LYRM4: variants seen among roughly 807,000 people sequenced by gnomAD.
LYRM4 encodes the protein LYR motif containing 4.
A neutral mutation model predicts 11.7 loss-of-function variants in LYRM4; 9 were observed. That is an observed-to-expected ratio of 0.77 (90% confidence interval 0.46 to 1.34). The LOEUF is 1.34. Among genes scored for constraint, LYRM4 ranks in the 40% most tolerant of loss-of-function variants. The probability of loss-of-function intolerance (pLI) is 0.00; values close to 1 mark genes in which losing one functional copy is unlikely to be tolerated. For synonymous variants in LYRM4, 42 were observed against 40.4 expected, an observed-to-expected ratio of 1.04 and a Z score of -0.15; for missense variants, 133 against 112.5, an observed-to-expected ratio of 1.18 and a Z score of -0.82.
At chr6:5,032,657 G>A in the LYRM4 span, 1 of 152,324 alleles carries the variant, frequency 6.6e-6, no homozygotes, top group South Asian at 2.1e-4. Flanking sequence ...AATGTCTGTA[G>A]TTTTATTATG....
At chr6:5,146,078 C>T (rs1757705597) in intron 2 of LYRM4, among the ~76,000 whole-genome samples, 1 of 152,202 alleles carries the variant, frequency 6.6e-6, no homozygotes, top group Non-Finnish European at 1.5e-5. Flanking sequence ...TATTCGAATG[C>T]CACCTCATGG....
chr6:5,124,997 A>G (rs1478413977), intron 2 of LYRM4, among the ~76,000 whole-genome samples: 2 of 152,136 alleles, frequency 1.3e-5, no homozygotes, highest in Non-Finnish European at 2.9e-5. Context: ...TGTCCCCAGC[A>G]CCTAGCAGTG....
At chr6:5,228,869 T>G (rs1348329730) in intron 1 of LYRM4, among the ~76,000 whole-genome samples, 25 of 150,540 alleles carry the variant, frequency 1.7e-4, no homozygotes, top group Non-Finnish European at 3.4e-4. Context: ...CCGGGCGTGG[T>G]GGCGGGCACC....
chr6:5,255,526 G>A (rs538271327), intron 1 of LYRM4, among the ~76,000 whole-genome samples: 70 of 151,774 alleles, frequency 4.6e-4, no homozygotes, highest in Non-Finnish European at 6.6e-4. Context: ...TGATAAATGC[G>A]TCCCACATAA....
the LYRM4 span, chr6:5,085,157 G>C: frequency 2.8e-6 from 1 of 358,838 alleles, no homozygotes; most frequent in Non-Finnish European, 5.0e-6. Flanking sequence ...TTCCACCGGA[G>C]CACTCGGGAA....
intron 1 of LYRM4, among the ~76,000 whole-genome samples, chr6:5,230,034 A>C (rs1190435288): frequency 6.6e-6 from 1 of 152,216 alleles, no homozygotes; most frequent in Non-Finnish European, 1.5e-5. Flanking sequence ...CAATTTATCA[A>C]AGTAAAGGCC....
At chr6:5,144,380 G>T in intron 2 of LYRM4, 1 of 1,151,852 alleles carries the variant, frequency 8.7e-7, no homozygotes, top group Non-Finnish European at 1.2e-6. Flanking sequence ...GCTGAAGCCT[G>T]TAATTCCAGC....
At chr6:5,141,682 C>CA (rs1349642083) in intron 2 of LYRM4, among the ~76,000 whole-genome samples, 4 of 152,176 alleles carry the variant, frequency 2.6e-5, no homozygotes, top group African/African-American at 9.7e-5. Context: ...TCTCAACACT[C>CA]ACGGAGGTCA....
At position 5,154,802 on chromosome 6, in the gene LYRM4, GA is replaced by G. The variant is rs1561835369; in HGVS notation, c.208-45312del. On this transcript the variant is annotated intron_variant, in intron 2 of 2. Transcript: ENST00000330636. The stretch of plus-strand genomic sequence containing the variant: ...CCACTGCACTCCAGCCTGGGCGACA[GA>G]GCGAGACTCCGTCTCAAAAAATAAA... 2.6e-5 allele frequency among the ~76,000 whole-genome samples: 4 copies of G among 152,068 alleles called. No individual in the cohort carries two copies. In the East Asian group the frequency reaches 7.8e-4, roughly 30 times the overall value.
chr6:5,224,937 C>G (rs34110180), intron 1 of LYRM4, among the ~76,000 whole-genome samples: 7,426 of 143,140 alleles, frequency 0.052, 586 homozygotes, highest in African/African-American at 0.17. Flanking sequence ...TCCAGCCTGG[C>G]TAACAAGAGT....
the LYRM4 span, among the ~76,000 whole-genome samples, chr6:5,048,026 C>A: frequency 1.3e-5 from 2 of 152,182 alleles, no homozygotes; most frequent in African/African-American, 4.8e-5. Flanking sequence ...TGTATGTGTT[C>A]ATTAAATTCT....
chr6:5,173,104 A>G (rs1759521494), intron 2 of LYRM4, among the ~76,000 whole-genome samples: 1 of 152,220 alleles, frequency 6.6e-6, no homozygotes, highest in Non-Finnish European at 1.5e-5. Flanking sequence ...TGATCCATTA[A>G]TAACATCTCT....
chr6:5,195,772 C>A (rs1198214371), intron 2 of LYRM4, among the ~76,000 whole-genome samples: 1 of 152,186 alleles, frequency 6.6e-6, no homozygotes, highest in East Asian at 1.9e-4. Flanking sequence ...AGGTGCTCAA[C>A]AGCTATTCAC....
chr6:5,158,279 A>G (rs1758536747), intron 2 of LYRM4, among the ~76,000 whole-genome samples: 1 of 152,198 alleles, frequency 6.6e-6, no homozygotes, highest in South Asian at 2.1e-4. Flanking sequence ...GTATTTCAAG[A>G]AGCATAAACA....
intron 2 of LYRM4, among the ~76,000 whole-genome samples, chr6:5,209,565 C>T (rs78956496): frequency 0.018 from 2,712 of 152,268 alleles, 75 homozygotes; most frequent in African/African-American, 0.062. Context: ...AATGAGCGAA[C>T]AGATGGGACA....
At chr6:5,122,758 G>A (rs537892581) in intron 2 of LYRM4, among the ~76,000 whole-genome samples, 1 of 152,330 alleles carries the variant, frequency 6.6e-6, no homozygotes, top group African/African-American at 2.4e-5. Flanking sequence ...GCAAGAAATG[G>A]TGGTGAATAC....
At chr6:5,066,215 C>CTACT in the LYRM4 span, 2 of 714,348 alleles carry the variant, frequency 2.8e-6, no homozygotes, top group South Asian at 2.7e-5. Flanking sequence ...ATCTCACAAG[C>CTACT]TACTTGCCAG....
intron 1 of LYRM4, among the ~76,000 whole-genome samples, chr6:5,217,848 A>C (rs1327493212): frequency 1.3e-5 from 2 of 152,154 alleles, no homozygotes; most frequent in Non-Finnish European, 2.9e-5. Flanking sequence ...CAACTACTCC[A>C]GATTGAAAGG....
At chr6:5,038,887 A>ACCGCGGAAGGAGAGCGAGAGC in the LYRM4 span, among the ~76,000 whole-genome samples, 2 of 85,086 alleles carry the variant, frequency 2.4e-5, no homozygotes, top group African/African-American at 1.1e-4. Context: ...GTGGAGGGAG[A>ACCGCGGAAGGAGAGCGAGAGC]GAGAGGGAGA....
Sources: allele counts gnomAD v4.1 joint callset (sites outside exome capture counted in the v4.1 genomes callset), GRCh38; gene constraint gnomAD v4.1.1; transcripts MANE v1.5; gene names NCBI Gene and HGNC (gene_info 2026-07-23, HGNC 2026-07-21).